The following PDS5B variants were observed in gnomAD, a reference collection of about 807,000 sequenced individuals.
PDS5B encodes the protein sister chromatid cohesion protein PDS5 homolog B.
PDS5B carries 51 observed loss-of-function variants against 184.1 expected under a neutral mutation model. The ratio of observed to expected loss-of-function variants is 0.28; its 90% CI spans 0.22 to 0.35. PDS5B has a LOEUF of 0.35. Ranked by LOEUF, PDS5B falls within the 10% of genes least tolerant of loss-of-function variation. The pLI is 1.00. For synonymous variants in PDS5B, 566 were observed against 569.2 expected (o/e 0.99, Z 0.08); for missense variants, 1,180 against 1,723.3 (o/e 0.68, Z 5.58).
At chr13:32,672,425 T>C (rs552246181) in intron 7 of PDS5B, among the ~76,000 whole-genome samples, 1 of 152,262 alleles carries the variant, frequency 6.6e-6, no homozygotes, top group South Asian at 2.1e-4. Flanking sequence ...TCACACATAG[T>C]GTATGTATAC....
At chr13:32,597,894 A>G (rs540405606) in intron 1 of PDS5B, among the ~76,000 whole-genome samples, 4 of 152,080 alleles carry the variant, frequency 2.6e-5, no homozygotes, top group African/African-American at 7.2e-5. Context: ...AATATGTTTT[A>G]AAATGATGAA....
intron 1 of PDS5B, among the ~76,000 whole-genome samples, chr13:32,609,507 G>A (rs1284797079): frequency 6.6e-6 from 1 of 152,146 alleles, no homozygotes; most frequent in Non-Finnish European, 1.5e-5. Context: ...TTTCTTGCCT[G>A]GTGGGGTGAA....
At chr13:32,595,348 T>C (rs1448008708) in intron 1 of PDS5B, among the ~76,000 whole-genome samples, 2 of 152,218 alleles carry the variant, frequency 1.3e-5, no homozygotes, top group East Asian at 1.9e-4. Context: ...TGCACATATA[T>C]ACTCCAAAAG....
chr13:32,610,616 ATT>A (rs10552401), intron 1 of PDS5B, among the ~76,000 whole-genome samples: 49,313 of 146,274 alleles, frequency 0.34, 8,213 homozygotes, highest in Non-Finnish European at 0.38. Context: ...TTTGAACCAA[ATT>A]TTTTTTTTTT....
intron 24 of PDS5B, among the ~76,000 whole-genome samples, chr13:32,750,032 A>T (rs1953916306): frequency 6.6e-6 from 1 of 152,222 alleles, no homozygotes; most frequent in Non-Finnish European, 1.5e-5. Flanking sequence ...AGACTTCCTC[A>T]GTTCCCAGTA....
chr13:32,646,905 G>T (rs1230467662), intron 1 of PDS5B, among the ~76,000 whole-genome samples: 1 of 152,006 alleles, frequency 6.6e-6, no homozygotes, highest in Non-Finnish European at 1.5e-5. Context: ...TTCTTTCTCT[G>T]CTTTGAAGAT....
At chr13:32,620,296 T>C (rs749966139) in intron 1 of PDS5B, among the ~76,000 whole-genome samples, 16 of 152,232 alleles carry the variant, frequency 1.1e-4, no homozygotes, top group Non-Finnish European at 2.1e-4. Flanking sequence ...GTGGTTTCTT[T>C]CCAATCCTTA....
intron 9 of PDS5B, among the ~76,000 whole-genome samples, chr13:32,678,041 CA>C (rs1951119648): frequency 6.6e-6 from 1 of 151,714 alleles, no homozygotes; most frequent in African/African-American, 2.4e-5. Flanking sequence ...CAAATATAAT[CA>C]AGTTTTTAGA....
chr13:32,682,957 T>A (rs940076988), intron 10 of PDS5B, among the ~76,000 whole-genome samples: 1 of 152,202 alleles, frequency 6.6e-6, no homozygotes, highest in African/African-American at 2.4e-5. Flanking sequence ...TGTTGACACA[T>A]CTCTTGCCTG....
At chr13:32,671,780 A>C (rs769377479) in intron 7 of PDS5B, among the ~76,000 whole-genome samples, 1 of 152,242 alleles carries the variant, frequency 6.6e-6, no homozygotes, top group Non-Finnish European at 1.5e-5. Flanking sequence ...AGAAAGCTAA[A>C]GCCTAATTAA....
chr13:32,775,449 A>G lies in PDS5B; in HGVS notation c.*397A>G. 1 of 331,984 alleles carries G rather than the reference A, an allele frequency of 3.0e-6. No homozygotes were observed. Among genetic ancestry groups the G allele is most frequent in the South Asian group, 2.5e-5 (1 of 40,574 alleles). The allele number at this position is 331,984 out of a possible 1,614,324, so 20.6% of individuals were successfully genotyped here. On this transcript the variant is annotated 3_prime_UTR_variant, in exon 35 of 35. Transcript: ENST00000315596. ...TTTGTTAGGATAGATCTTAAGCAGT[A>G]ATCTGTCAGTGTTTGTATTTGTATT... is the stretch of plus-strand genomic sequence containing the variant.
intron 21 of PDS5B, among the ~76,000 whole-genome samples, chr13:32,738,490 T>C (rs1376443050): frequency 6.6e-6 from 1 of 152,164 alleles, no homozygotes; most frequent in East Asian, 1.9e-4. Context: ...CTTTCTGAAA[T>C]TCCCTTTTGA....
At chr13:32,733,512 T>G (rs1652969648) in intron 20 of PDS5B, among the ~76,000 whole-genome samples, 1 of 152,154 alleles carries the variant, frequency 6.6e-6, no homozygotes, top group South Asian at 2.1e-4. Flanking sequence ...CTGAGGGAAG[T>G]CTTCAAGAAT....
intron 21 of PDS5B, among the ~76,000 whole-genome samples, chr13:32,737,124 T>G (rs966876583): frequency 1.3e-5 from 2 of 152,156 alleles, no homozygotes; most frequent in Non-Finnish European, 2.9e-5. Context: ...CATATATTGC[T>G]TTTGATTGAG....
chr13:32,626,669 A>G (rs1227316711), intron 1 of PDS5B, among the ~76,000 whole-genome samples: 3 of 151,984 alleles, frequency 2.0e-5, no homozygotes, highest in Non-Finnish European at 4.4e-5. Flanking sequence ...ATGTTGTACA[A>G]TTGTGCAACT....
At chr13:32,654,317 T>G (rs981610881) in intron 3 of PDS5B, among the ~76,000 whole-genome samples, 1 of 152,174 alleles carries the variant, frequency 6.6e-6, no homozygotes, top group African/African-American at 2.4e-5. Flanking sequence ...CCACTTTCAG[T>G]TAGTTATTGT....
At chr13:32,601,297 C>A (rs77298050) in intron 1 of PDS5B, among the ~76,000 whole-genome samples, 4,017 of 152,266 alleles carry the variant, frequency 0.026, 77 homozygotes, top group Non-Finnish European at 0.04. Context: ...ATGTCCAGAA[C>A]TGTTCACACT....
chr13:32,717,771 C>G (rs1471111309), intron 19 of PDS5B, among the ~76,000 whole-genome samples: 2 of 140,374 alleles, frequency 1.4e-5, no homozygotes, highest in Non-Finnish European at 3.1e-5. Flanking sequence ...GGAGATATTT[C>G]AAATCTATAA....
At chr13:32,695,022 A>G (rs1951662862) in intron 14 of PDS5B, among the ~76,000 whole-genome samples, 1 of 151,898 alleles carries the variant, frequency 6.6e-6, no homozygotes, top group Non-Finnish European at 1.5e-5. Context: ...TTCATAGGAC[A>G]GAGGTCAATG....
Sources: allele counts gnomAD v4.1 joint callset (sites outside exome capture counted in the v4.1 genomes callset), GRCh38; gene constraint gnomAD v4.1.1; transcripts MANE v1.5; gene names NCBI Gene and HGNC (gene_info 2026-07-23, HGNC 2026-07-21).